BRD7: variants seen among roughly 807,000 people sequenced by gnomAD.
BRD7 encodes the protein bromodomain-containing protein 7.
In BRD7, 15 loss-of-function variants were observed where a neutral mutation model predicts 82.1. That is an observed-to-expected ratio of 0.18 (90% CI 0.12 to 0.28). The LOEUF (loss-of-function observed/expected upper bound fraction) is 0.28. Among genes scored for constraint, BRD7 ranks in the 10% least tolerant of loss-of-function variants. The pLI is 1.00. For missense variants in BRD7, 638 were observed against 779.9 expected (o/e 0.82, Z 2.17); for synonymous variants, 232 against 266.9 (o/e 0.87, Z 1.27).
chr16:50,335,709 C>A, intron 6 of BRD7, among the ~76,000 whole-genome samples: 1 of 152,136 alleles, frequency 6.6e-6, no homozygotes, highest in East Asian at 1.9e-4. Flanking sequence ...GAACCAGAGG[C>A]CATTCAAACA....
chr16:50,363,544 C>G (rs1037214942), intron 2 of BRD7, among the ~76,000 whole-genome samples: 1 of 152,172 alleles, frequency 6.6e-6, no homozygotes, highest in Non-Finnish European at 1.5e-5. Flanking sequence ...CCCGTTGGGG[C>G]ATTTTAAACT....
At chr16:50,342,673 G>A (rs149088970) in intron 5 of BRD7, among the ~76,000 whole-genome samples, 40 of 151,838 alleles carry the variant, frequency 2.6e-4, no homozygotes, top group African/African-American at 8.2e-4. Flanking sequence ...CACCTGCCTC[G>A]GCCTCCGGAA....
chr16:50,321,912 T>C, intron 13 of BRD7, 70 bp downstream of exon 13: 1 of 1,426,092 alleles, frequency 7.0e-7, no homozygotes, highest in Non-Finnish European at 9.8e-7. Context: ...GGCCTTCCCA[T>C]TCTCAAGACT....
chr16:50,330,252 A>C (rs2151148544), intron 8 of BRD7, among the ~76,000 whole-genome samples: 1 of 152,086 alleles, frequency 6.6e-6, no homozygotes, highest in African/African-American at 2.4e-5. Context: ...TAAAAACTGC[A>C]TGCTTTCTTG....
chr16:50,342,455 C>CTTT (rs34093559), intron 5 of BRD7, among the ~76,000 whole-genome samples: 1,687 of 102,810 alleles, frequency 0.016, 70 homozygotes, highest in East Asian at 0.091. Context: ...AAGACACTGT[C>CTTT]TTTTTTTTTT....
intron 6 of BRD7, among the ~76,000 whole-genome samples, chr16:50,337,699 C>T (rs56006163): frequency 0.37 from 56,358 of 151,910 alleles, 12,112 homozygotes; most frequent in Middle Eastern, 0.5. Flanking sequence ...ACACCATTCA[C>T]GGAAGGGTGT....
At chr16:50,329,377 G>C (rs1354431990) in intron 8 of BRD7, among the ~76,000 whole-genome samples, 1 of 152,162 alleles carries the variant, frequency 6.6e-6, no homozygotes, top group Admixed American at 6.5e-5. Context: ...AAACCAACGT[G>C]ACAGGGACCC....
At chr16:50,356,888 T>C (rs1204212364) in intron 2 of BRD7, among the ~76,000 whole-genome samples, 1 of 152,196 alleles carries the variant, frequency 6.6e-6, no homozygotes, top group Non-Finnish European at 1.5e-5. Context: ...AATGCCCATT[T>C]TATGCTCATC....
intron 1 of BRD7, 117 bp downstream of exon 1, chr16:50,368,609 G>T: frequency 8.9e-7 from 1 of 1,124,820 alleles, no homozygotes. Context: ...CCCCTTCGCC[G>T]GCCTGGGCCT....
intron 8 of BRD7, among the ~76,000 whole-genome samples, chr16:50,330,379 T>C (rs1335823273): frequency 1.3e-5 from 2 of 148,722 alleles, no homozygotes; most frequent in Non-Finnish European, 3.0e-5. Flanking sequence ...CTCGCTCTGT[T>C]GCCCAGGCTA....
chr16:50,354,369 C>T (rs2038651958), intron 4 of BRD7, 56 bp downstream of exon 4: 1 of 1,430,240 alleles, frequency 7.0e-7, no homozygotes, highest in Non-Finnish European at 9.8e-7. Context: ...TGGTTTGGAT[C>T]CTACACATCT....
At chr16:50,367,408 G>A (rs11647203) in intron 2 of BRD7, among the ~76,000 whole-genome samples, 34,535 of 152,044 alleles carry the variant, frequency 0.23, 4,424 homozygotes, top group African/African-American at 0.33. Flanking sequence ...TTATTTTGCA[G>A]AGGCAGGGCC....
At chr16:50,342,587 A>AT (rs1218086222) in intron 5 of BRD7, among the ~76,000 whole-genome samples, 10 of 149,356 alleles carry the variant, frequency 6.7e-5, no homozygotes, top group Admixed American at 6.1e-4. Flanking sequence ...CACTCAGCCA[A>AT]TTTTTTTGTA....
intron 2 of BRD7, among the ~76,000 whole-genome samples, chr16:50,366,115 A>G: frequency 6.6e-6 from 1 of 152,268 alleles, no homozygotes; most frequent in East Asian, 1.9e-4. Flanking sequence ...AAAGTCTGAA[A>G]GAAAATAATT....
Position 50,368,076 on chromosome 16 carries a change from G to T in BRD7, c.258+14C>A. The T allele has an allele frequency of 6.2e-7, 1 of 1,613,130 alleles. No homozygotes were observed. The highest frequency in any genetic ancestry group is 8.5e-7 in the Non-Finnish European group (1 of 1,179,312). Reference sequence around the variant, plus strand: ...GTGCCGTCCGCAAAGCCAAAGCAATGTAACCACTTGTACCTTAACTCTTCT... The same window carrying T: ...GTGCCGTCCGCAAAGCCAAAGCAATTTAACCACTTGTACCTTAACTCTTCT... On this transcript the variant is annotated intron_variant, in intron 2 of 16. Coordinates refer to ENST00000394688, the MANE Select transcript of BRD7 (RefSeq NM_013263.5).
chr16:50,339,636 AC>A (rs1377418488), intron 6 of BRD7, among the ~76,000 whole-genome samples: 7 of 152,300 alleles, frequency 4.6e-5, no homozygotes, highest in Admixed American at 4.6e-4. Context: ...TTCCACCCCT[AC>A]AAATGCAAAC....
chr16:50,352,065 C>A (rs775426720), intron 4 of BRD7, among the ~76,000 whole-genome samples: 9 of 152,202 alleles, frequency 5.9e-5, no homozygotes, highest in Non-Finnish European at 7.3e-5. Flanking sequence ...GCTGACCAAC[C>A]TCTACCTTTC....
At chr16:50,332,945 C>T (rs1331257591) in intron 8 of BRD7, among the ~76,000 whole-genome samples, 4 of 151,492 alleles carry the variant, frequency 2.6e-5, no homozygotes, top group Admixed American at 2.6e-4. Context: ...TGCACACAGA[C>T]ACAAAGATGG....
At chr16:50,323,144 G>A (rs1322746395) in intron 12 of BRD7, among the ~76,000 whole-genome samples, 1 of 152,208 alleles carries the variant, frequency 6.6e-6, no homozygotes, top group African/African-American at 2.4e-5. Context: ...CTGAACTAGA[G>A]ATAGCTTACA....
Sources: gnomAD v4.1 joint callset for allele counts (sites outside exome capture counted in the v4.1 genomes callset) on GRCh38, gnomAD v4.1.1 for gene constraint, MANE v1.5 for transcripts, NCBI Gene and HGNC (gene_info 2026-07-23, HGNC 2026-07-21) for gene names.